GAS2: variants seen among roughly 807,000 people sequenced by gnomAD.
GAS2 encodes growth arrest specific 2.
A neutral mutation model predicts 37.5 loss-of-function variants in GAS2; 20 were observed. The ratio of observed to expected loss-of-function variants is 0.53; its 90% confidence interval spans 0.37 to 0.77. The LOEUF (loss-of-function observed/expected upper bound fraction) is 0.77, where lower values mean the gene tolerates loss of function less well. GAS2 is among the 30% of genes least tolerant of loss of function. The pLI is 0.00. For synonymous variants in GAS2, 144 were observed against 132.2 expected (o/e 1.09, Z -0.61); for missense variants, 336 against 373.4 (o/e 0.90, Z 0.82).
intron 7 of GAS2, among the ~76,000 whole-genome samples, chr11:22,796,106 G>A (rs1176461179): frequency 6.6e-6 from 1 of 152,108 alleles, no homozygotes; most frequent in Non-Finnish European, 1.5e-5. Context: ...CTGCCAGTCA[G>A]ACATTTCTGT....
chr11:22,752,415 A>G (rs1268122019), intron 6 of GAS2, among the ~76,000 whole-genome samples: 1 of 152,018 alleles, frequency 6.6e-6, no homozygotes, highest in Non-Finnish European at 1.5e-5. Flanking sequence ...GAGCTTCACT[A>G]ATGTTTTAAA....
chr11:22,677,949 G>A (rs1849506684), intron 2 of GAS2, among the ~76,000 whole-genome samples: 1 of 149,630 alleles, frequency 6.7e-6, no homozygotes. Context: ...TATAAATAAG[G>A]AGAAGATTTA....
At chr11:22,719,202 A>C (rs1186435114) in intron 3 of GAS2, among the ~76,000 whole-genome samples, 3 of 152,002 alleles carry the variant, frequency 2.0e-5, no homozygotes, top group Admixed American at 6.6e-5. Context: ...TCTCTTAGCA[A>C]TTATTATGTG....
At chr11:22,668,003 C>T (rs1849050353) in intron 1 of GAS2, 1 of 152,172 alleles carries the variant, frequency 6.6e-6, no homozygotes, top group African/African-American at 2.4e-5. Flanking sequence ...TCTGCTTGTG[C>T]ACAGGAACAC....
intron 3 of GAS2, among the ~76,000 whole-genome samples, chr11:22,712,520 A>G (rs1200446354): frequency 6.6e-6 from 1 of 152,186 alleles, no homozygotes; most frequent in African/African-American, 2.4e-5. Flanking sequence ...ACATCAAAGG[A>G]TTACCCTGTG....
intron 2 of GAS2, among the ~76,000 whole-genome samples, chr11:22,675,697 A>G (rs1421421495): frequency 6.6e-6 from 1 of 151,754 alleles, no homozygotes; most frequent in Non-Finnish European, 1.5e-5. Context: ...TAGCAGCACT[A>G]TTTCCACTAA....
intron 7 of GAS2, among the ~76,000 whole-genome samples, chr11:22,795,157 A>G (rs1301116229): frequency 6.6e-6 from 1 of 152,184 alleles, no homozygotes; most frequent in East Asian, 1.9e-4. Flanking sequence ...AACTTCAGAC[A>G]ATGAATACTT....
intron 3 of GAS2, among the ~76,000 whole-genome samples, chr11:22,709,060 G>A (rs1229520249): frequency 2.0e-5 from 3 of 152,118 alleles, no homozygotes; most frequent in Non-Finnish European, 2.9e-5. Context: ...AACCATGGAA[G>A]CCACATCATA....
chr11:22,705,755 G>A (rs1469802228), intron 3 of GAS2, among the ~76,000 whole-genome samples: 2 of 152,160 alleles, frequency 1.3e-5, no homozygotes, highest in Non-Finnish European at 2.9e-5. Context: ...GGATTAGCAA[G>A]GGATAATAAC....
chr11:22,696,587 T>C (rs1238873831), intron 3 of GAS2, among the ~76,000 whole-genome samples: 11 of 152,158 alleles, frequency 7.2e-5, no homozygotes, highest in Middle Eastern at 6.8e-3. Context: ...TACTTCTCCA[T>C]ATCCTCTCCA....
chr11:22,636,500 C>T (rs1017131488), intron 1 of GAS2, among the ~76,000 whole-genome samples: 4 of 152,192 alleles, frequency 2.6e-5, no homozygotes, highest in African/African-American at 9.6e-5. Flanking sequence ...GATCACAGCT[C>T]AGCTCAACTG....
intron 3 of GAS2, among the ~76,000 whole-genome samples, chr11:22,718,661 AAAT>A (rs921524555): frequency 2.0e-4 from 30 of 151,656 alleles, no homozygotes; most frequent in African/African-American, 4.3e-4. Context: ...AAAACTATTG[AAAT>A]AATAATAATA....
At chr11:22,659,906 GAGGGAGGA>G (rs1488291334) in intron 1 of GAS2, among the ~76,000 whole-genome samples, 2 of 142,014 alleles carry the variant, frequency 1.4e-5, no homozygotes, top group African/African-American at 5.1e-5. Context: ...GGGAGGAAGG[GAGGGAGGA>G]AGGGAGGGAG....
intron 3 of GAS2, among the ~76,000 whole-genome samples, chr11:22,693,972 T>G (rs562028376): frequency 1.3e-5 from 2 of 152,230 alleles, no homozygotes; most frequent in Admixed American, 1.3e-4. Context: ...TGAGAACCCA[T>G]GGACACATAC....
At chr11:22,708,184 A>G (rs1851218463) in intron 3 of GAS2, among the ~76,000 whole-genome samples, 1 of 152,160 alleles carries the variant, frequency 6.6e-6, no homozygotes, top group African/African-American at 2.4e-5. Flanking sequence ...AGAACAAAAG[A>G]AGGAAATTCT....
intron 7 of GAS2, among the ~76,000 whole-genome samples, chr11:22,771,944 A>G (rs1855000849): frequency 6.6e-6 from 1 of 152,184 alleles, no homozygotes; most frequent in African/African-American, 2.4e-5. Context: ...TTGGTCATAT[A>G]CTATTAATTA....
intron 1 of GAS2, among the ~76,000 whole-genome samples, chr11:22,657,062 TAAG>T (rs975001613): frequency 3.3e-5 from 5 of 152,238 alleles, no homozygotes; most frequent in African/African-American, 1.2e-4. Flanking sequence ...AGTATTCAAA[TAAG>T]AGGAGGAATT....
intron 7 of GAS2, among the ~76,000 whole-genome samples, chr11:22,770,693 G>A (rs920657969): frequency 2.6e-5 from 4 of 152,164 alleles, no homozygotes; most frequent in Admixed American, 2.0e-4. Flanking sequence ...AACAGCCAAC[G>A]TAGCCTGTGA....
intron 5 of GAS2, among the ~76,000 whole-genome samples, chr11:22,747,491 C>A (rs1157259874): frequency 2.0e-5 from 3 of 152,138 alleles, no homozygotes; most frequent in East Asian, 3.8e-4. Flanking sequence ...TAGAATTGGG[C>A]TCACTAGACT....
Sources: allele counts gnomAD v4.1 joint callset (sites outside exome capture counted in the v4.1 genomes callset), GRCh38; gene constraint gnomAD v4.1.1; transcripts MANE v1.5; gene names NCBI Gene and HGNC (gene_info 2026-07-23, HGNC 2026-07-21).